The following JARID2 variants were observed in gnomAD, a reference collection of about 807,000 sequenced individuals.
JARID2 encodes protein Jumonji.
JARID2 carries 21 observed loss-of-function variants against 125.6 expected under a neutral mutation model. That is an observed-to-expected ratio of 0.17 (90% CI 0.12 to 0.24). The LOEUF (loss-of-function observed/expected upper bound fraction) is 0.24, where lower values mean the gene tolerates loss of function less well. Among genes scored for constraint, JARID2 ranks in the 10% least tolerant of loss-of-function variants. The pLI is 1.00. For missense variants in JARID2, 1,303 were observed against 1,639.6 expected, an observed-to-expected ratio of 0.79 and a Z score of 3.55; for synonymous variants, 736 against 661.6, an observed-to-expected ratio of 1.11 and a Z score of -1.73.
At chr6:15,367,073 C>G (rs769955222) in intron 1 of JARID2, among the ~76,000 whole-genome samples, 1 of 152,184 alleles carries the variant, frequency 6.6e-6, no homozygotes. Context: ...CCAGTTTCCA[C>G]GAGGTATTTC....
chr6:15,432,150 C>A (rs1033138303), intron 3 of JARID2, among the ~76,000 whole-genome samples: 1 of 151,940 alleles, frequency 6.6e-6, no homozygotes, highest in South Asian at 2.1e-4. Context: ...CTCTACAGGC[C>A]GGGTGTGGTG....
At chr6:15,311,735 G>T (rs80164692) in intron 1 of JARID2, among the ~76,000 whole-genome samples, 1 of 145,658 alleles carries the variant, frequency 6.9e-6, no homozygotes. Context: ...AAAGGTAACT[G>T]TTTTTTTTTT....
chr6:15,416,533 C>T lies in JARID2; in HGVS notation c.323+6168C>T, dbSNP rs372939598. 1.4e-3 allele frequency among the ~76,000 whole-genome samples: 212 copies of T among 152,224 alleles called. 4 individuals are homozygous for T. The South Asian group carries it at 0.04, about 29-fold the overall frequency. ...AAACCCCGTCTCCACCAAAAAAATACGAAAACCAGTCAGGCGTGGTGGCGC... is the reference window on the plus strand; with the variant it reads ...AAACCCCGTCTCCACCAAAAAAATATGAAAACCAGTCAGGCGTGGTGGCGC... On this transcript the variant is annotated intron_variant, in intron 3 of 17. Transcript: ENST00000341776.
intron 1 of JARID2, among the ~76,000 whole-genome samples, chr6:15,285,079 C>G (rs149729105): frequency 2.1e-5 from 3 of 143,368 alleles, no homozygotes; most frequent in Non-Finnish European, 3.0e-5. Context: ...TTGAATTGAA[C>G]TTTTGCATTA....
chr6:15,500,820 A>G lies in JARID2; in HGVS notation c.1946-87A>G, dbSNP rs1038844161. 6 of 1,143,614 alleles carry G rather than the reference A, an allele frequency of 5.2e-6. No individual in the cohort carries two copies. In the African/African-American group the frequency reaches 9.3e-5, roughly 18 times the overall value. 70.8% of individuals were successfully genotyped at this position (1,143,614 alleles called of 1,614,324 possible). On this transcript the variant is annotated intron_variant, in intron 7 of 17. Coordinates refer to ENST00000341776, the MANE Select transcript of JARID2 (RefSeq NM_004973.4). ...TGTCAGAGTCCTGGCTCATAGTAGG[A>G]GTTCAAGAAGTACAGGTTGAATGAG...
intron 4 of JARID2, among the ~76,000 whole-genome samples, chr6:15,458,279 C>G (rs964171889): frequency 9.2e-5 from 14 of 152,160 alleles, no homozygotes; most frequent in African/African-American, 3.1e-4. Context: ...ACATTTTCCT[C>G]TTTACGGGGC....
rs11286654 is a variant in JARID2 at position 15,284,511 on chromosome 6, CTT to C, written c.45+37942_45+37943del. On this transcript the variant is annotated intron_variant, in intron 1 of 17. Transcript: ENST00000341776. ...TAAATTCCCTTTTAGTTTTATAATC[CTT>C]TTTTTTTTTTTTTTGAGACGAAGTC... Among the ~76,000 whole-genome samples, 174 of 140,230 alleles carry C rather than the reference CTT, an allele frequency of 1.2e-3. No homozygotes were observed. In the East Asian group the frequency reaches 0.018, roughly 15 times the overall value. 92.0% of individuals were successfully genotyped at this position (140,230 alleles called of 152,430 possible).
chr6:15,519,284 C>A (rs1444257410), intron 17 of JARID2, among the ~76,000 whole-genome samples: 1 of 152,172 alleles, frequency 6.6e-6, no homozygotes, highest in Non-Finnish European at 1.5e-5. Flanking sequence ...GCAGCCATGA[C>A]TATGGTGTTA....
intron 2 of JARID2, among the ~76,000 whole-genome samples, chr6:15,381,475 C>A (rs190217982): frequency 2.4e-3 from 362 of 152,214 alleles, no homozygotes; most frequent in South Asian, 4.2e-3. Flanking sequence ...ACTCCTGTGT[C>A]CTGGCCTCCA....
At chr6:15,252,646 T>C (rs1021379956) in intron 1 of JARID2, among the ~76,000 whole-genome samples, 1 of 152,268 alleles carries the variant, frequency 6.6e-6, no homozygotes, top group Non-Finnish European at 1.5e-5. Flanking sequence ...TATATTGTTT[T>C]ACTTATGAGA....
At position 15,410,260 on chromosome 6, in the gene JARID2, C is replaced by T; in HGVS notation, c.218C>T (p.Pro73Leu). The T allele has an allele frequency of 6.2e-7, 1 of 1,614,120 alleles. No homozygotes were observed. The highest frequency in any genetic ancestry group is 8.5e-7 in the Non-Finnish European group (1 of 1,179,984). The change falls in exon 3 of 18, where the codon CCA (proline) becomes CTA (leucine). Residue 73 changes from proline (P) to leucine (L), a missense_variant. Pro to Leu is a moderately conservative substitution (Grantham distance 98, BLOSUM62 -3). Coordinates refer to ENST00000341776, the MANE Select transcript of JARID2 (RefSeq NM_004973.4). ...AATGACCAGTCTAAGGGATTAGGAC[C>T]AGCATCAGAACAGTCAGAGAATGAA... Reference protein sequence around the residue: ...LGNDQSKGLGPASEQSENEKD... With the variant: ...LGNDQSKGLGLASEQSENEKD...
intron 5 of JARID2, 40 bp downstream of exon 5, chr6:15,468,758 G>C: frequency 6.3e-7 from 1 of 1,576,818 alleles, no homozygotes; most frequent in Non-Finnish European, 8.6e-7. Flanking sequence ...AAAATCTAAA[G>C]CTTTGGGTGA....
At chr6:15,360,859 C>T (rs920711447) in intron 1 of JARID2, among the ~76,000 whole-genome samples, 1 of 151,764 alleles carries the variant, frequency 6.6e-6, no homozygotes, top group Non-Finnish European at 1.5e-5. Flanking sequence ...ACCTTGTTAG[C>T]CAAAAAAAGG....
At chr6:15,476,060 C>T (rs577312675) in intron 5 of JARID2, among the ~76,000 whole-genome samples, 18 of 152,228 alleles carry the variant, frequency 1.2e-4, no homozygotes, top group African/African-American at 3.4e-4. Flanking sequence ...TTTGTATGCT[C>T]GAGCTGTTGA....
chr6:15,413,002 GTTTTTGTTTTTTTTTTTTTTGTTT>G (rs1765955752), intron 3 of JARID2, among the ~76,000 whole-genome samples: 2 of 46,532 alleles, frequency 4.3e-5, no homozygotes, highest in African/African-American at 1.9e-4. Flanking sequence ...AAGAGCTTGT[GTTTTTGTTTTTTTTTTTTTTGTTT>G]TTTTTTTTTT....
At chr6:15,384,284 C>G (rs948532245) in intron 2 of JARID2, among the ~76,000 whole-genome samples, 8 of 151,978 alleles carry the variant, frequency 5.3e-5, no homozygotes, top group African/African-American at 1.9e-4. Flanking sequence ...ATGGGGTCTC[C>G]CTGTGTTGTC....
At chr6:15,292,090 C>T (rs1761239556) in intron 1 of JARID2, among the ~76,000 whole-genome samples, 1 of 152,062 alleles carries the variant, frequency 6.6e-6, no homozygotes, top group Non-Finnish European at 1.5e-5. Context: ...CATCTCGGCT[C>T]ACTGCAAGCT....
intron 3 of JARID2, among the ~76,000 whole-genome samples, chr6:15,426,978 A>G (rs1416144969): frequency 1.3e-5 from 2 of 152,206 alleles, no homozygotes; most frequent in African/African-American, 4.8e-5. Flanking sequence ...CTTTGCAGGA[A>G]TGTAAAGGAG....
intron 4 of JARID2, among the ~76,000 whole-genome samples, chr6:15,464,736 C>G (rs1478615766): frequency 6.6e-6 from 1 of 152,168 alleles, no homozygotes; most frequent in Admixed American, 6.5e-5. Context: ...AACATATTAC[C>G]TCCTGATTCC....
Sources: allele counts gnomAD v4.1 joint callset (sites outside exome capture counted in the v4.1 genomes callset), GRCh38; gene constraint gnomAD v4.1.1; transcripts MANE v1.5; gene names NCBI Gene and HGNC (gene_info 2026-07-23, HGNC 2026-07-21).